Variants in HTR1F observed in about 807,000 individuals in gnomAD.
HTR1F encodes 5-hydroxytryptamine receptor 1F.
Under a neutral mutation model 24.0 loss-of-function variants are expected in HTR1F, and 17 were observed. The ratio of observed to expected loss-of-function variants is 0.71; its 90% CI spans 0.48 to 1.06. The LOEUF (loss-of-function observed/expected upper bound fraction) is 1.06, where lower values mean the gene tolerates loss of function less well. Ranked by LOEUF, HTR1F falls within the 50% of genes least tolerant of loss-of-function variation. The pLI is 0.00. For missense variants in HTR1F, 391 were observed against 427.8 expected, an observed-to-expected ratio of 0.91 and a Z score of 0.76; for synonymous variants, 186 against 156.8, an observed-to-expected ratio of 1.19 and a Z score of -1.39.
At chr3:87,853,381 G>A (rs774724116) in intron 2 of HTR1F, among the ~76,000 whole-genome samples, 1 of 152,018 alleles carries the variant, frequency 6.6e-6, no homozygotes, top group Non-Finnish European at 1.5e-5. Context: ...CTCCATCCAT[G>A]TTCCTGCAAA....
At chr3:87,864,477 T>C (rs1331884361) in intron 2 of HTR1F, among the ~76,000 whole-genome samples, 1 of 152,182 alleles carries the variant, frequency 6.6e-6, no homozygotes, top group Non-Finnish European at 1.5e-5. Context: ...TCATCTGACA[T>C]TATTCAGCGA....
chr3:87,838,692 T>C (rs1035242253), intron 2 of HTR1F, among the ~76,000 whole-genome samples: 2 of 152,068 alleles, frequency 1.3e-5, no homozygotes, highest in African/African-American at 4.8e-5. Flanking sequence ...ACTGTGCACA[T>C]GCATTGTGAA....
chr3:87,948,163 T>C (rs1475166141), intron 2 of HTR1F, among the ~76,000 whole-genome samples: 1 of 152,200 alleles, frequency 6.6e-6, no homozygotes, highest in African/African-American at 2.4e-5. Context: ...TTAAAGATTC[T>C]GAATCGTAAG....
chr3:87,917,469 G>C (rs1453207416), intron 2 of HTR1F, among the ~76,000 whole-genome samples: 1 of 150,384 alleles, frequency 6.6e-6, no homozygotes, highest in East Asian at 1.9e-4. Context: ...TTGTTAGCAA[G>C]ACTAACCAAG....
intron 2 of HTR1F, among the ~76,000 whole-genome samples, chr3:87,872,948 G>C (rs138478013): frequency 6.6e-6 from 1 of 151,906 alleles, no homozygotes; most frequent in African/African-American, 2.4e-5. Context: ...ATGAGGCAAG[G>C]AATATGCTGA....
At chr3:87,940,557 C>T (rs141793358) in intron 2 of HTR1F, among the ~76,000 whole-genome samples, 114 of 152,150 alleles carry the variant, frequency 7.5e-4, no homozygotes, top group Non-Finnish European at 1.2e-3. Flanking sequence ...ATCAATATCA[C>T]GAAAATATAG....
chr3:87,970,838 A>T (rs1705270456), intron 2 of HTR1F, among the ~76,000 whole-genome samples: 1 of 152,222 alleles, frequency 6.6e-6, no homozygotes, highest in Admixed American at 6.5e-5. Flanking sequence ...TAATCCAACA[A>T]TGTTTCTTTT....
chr3:87,803,596 C>T (rs1704028528), intron 1 of HTR1F, among the ~76,000 whole-genome samples: 1 of 152,118 alleles, frequency 6.6e-6, no homozygotes, highest in South Asian at 2.1e-4. Context: ...TCAGAAGCAG[C>T]ATCTAATTTG....
At chr3:87,848,706 C>A (rs958903805) in intron 2 of HTR1F, among the ~76,000 whole-genome samples, 2 of 151,660 alleles carry the variant, frequency 1.3e-5, no homozygotes, top group African/African-American at 4.9e-5. Flanking sequence ...ATCTAGAAAA[C>A]CCCATCATCT....
intron 2 of HTR1F, among the ~76,000 whole-genome samples, chr3:87,823,619 A>T (rs1227420766): frequency 4.7e-5 from 7 of 150,380 alleles, no homozygotes; most frequent in African/African-American, 9.9e-5. Context: ...GGATCAAGTG[A>T]TCCTCCCACC....
chr3:87,974,172 T>C (rs1394653849), intron 2 of HTR1F, among the ~76,000 whole-genome samples: 1 of 152,242 alleles, frequency 6.6e-6, no homozygotes, highest in Non-Finnish European at 1.5e-5. Context: ...CACCTCATTG[T>C]TGCCAACGGG....
chr3:87,942,653 C>T (rs796770174), intron 2 of HTR1F, among the ~76,000 whole-genome samples: 4 of 152,158 alleles, frequency 2.6e-5, no homozygotes, highest in African/African-American at 9.6e-5. Flanking sequence ...GAAGCAAGCC[C>T]TATTAGGCAT....
At chr3:87,980,691 G>T (rs1350365175) in intron 2 of HTR1F, among the ~76,000 whole-genome samples, 7 of 151,828 alleles carry the variant, frequency 4.6e-5, no homozygotes, top group African/African-American at 1.7e-4. Context: ...AGGGGCATCT[G>T]CAGGCCTGCA....
intron 2 of HTR1F, among the ~76,000 whole-genome samples, chr3:87,914,579 C>T (rs1319858066): frequency 1.3e-5 from 2 of 151,984 alleles, no homozygotes. Context: ...GCTTTCCCCC[C>T]ACTTCCCTGA....
intron 2 of HTR1F, among the ~76,000 whole-genome samples, chr3:87,903,268 G>A (rs1321983813): frequency 6.7e-6 from 1 of 148,784 alleles, no homozygotes; most frequent in Non-Finnish European, 1.5e-5. Context: ...AGCCAAAATT[G>A]ACAAATGGGA....
chr3:87,931,026 CTTTTTTT>C (rs34617109), intron 2 of HTR1F, among the ~76,000 whole-genome samples: 55,359 of 132,214 alleles, frequency 0.42, 10,962 homozygotes, highest in African/African-American at 0.47. Flanking sequence ...ATAGTCTTTC[CTTTTTTT>C]TTTTTTTTTT....
intron 2 of HTR1F, among the ~76,000 whole-genome samples, chr3:87,895,788 A>T (rs1378949737): frequency 6.6e-6 from 1 of 152,186 alleles, no homozygotes; most frequent in Non-Finnish European, 1.5e-5. Context: ...CCTTAAAATG[A>T]AGTTAAGACT....
intron 2 of HTR1F, among the ~76,000 whole-genome samples, chr3:87,914,176 G>A (rs1466525485): frequency 6.6e-6 from 1 of 152,130 alleles, no homozygotes; most frequent in Non-Finnish European, 1.5e-5. Context: ...AGGGGTAGAG[G>A]TGGCAGCAGG....
chr3:87,926,832 A>G (rs188402013), intron 2 of HTR1F, among the ~76,000 whole-genome samples: 23 of 152,310 alleles, frequency 1.5e-4, no homozygotes, highest in Admixed American at 7.8e-4. Flanking sequence ...AGCAATCAGG[A>G]CGACACGGTG....
Sources: gnomAD v4.1 joint callset for allele counts (sites outside exome capture counted in the v4.1 genomes callset) on GRCh38, gnomAD v4.1.1 for gene constraint, MANE v1.5 for transcripts, NCBI Gene and HGNC (gene_info 2026-07-23, HGNC 2026-07-21) for gene names.